RFX1: variants seen among roughly 807,000 people sequenced by gnomAD.
The protein encoded by RFX1 is regulatory factor X1, also known as MHC class II regulatory factor RFX1.
A neutral mutation model predicts 119.6 loss-of-function variants in RFX1; 42 were observed. The ratio of observed to expected loss-of-function variants is 0.35; its 90% CI spans 0.27 to 0.45. The LOEUF (loss-of-function observed/expected upper bound fraction) is 0.45, where lower values mean the gene tolerates loss of function less well. Ranked by LOEUF, RFX1 falls within the 20% of genes least tolerant of loss-of-function variation. The pLI, the probability that RFX1 is intolerant of heterozygous loss-of-function variation, is 1.00. For missense variants in RFX1, 1,118 were observed against 1,368.1 expected, an observed-to-expected ratio of 0.82 and a Z score of 2.88; for synonymous variants, 628 against 618.5, an observed-to-expected ratio of 1.02 and a Z score of -0.23.
At position 13,962,872 on chromosome 19, in the gene RFX1, A is replaced by G; in HGVS notation, c.2771-8T>C. ...CCTCTTCTTCCTCCTCGTCTGGAAC[A>G]CAGGGACCAAGTCCGGCTCGGGGCG... On this transcript the variant is annotated splice_region_variant and splice_polypyrimidine_tract_variant and intron_variant, in intron 20 of 20. Coordinates refer to ENST00000254325, the MANE Select transcript of RFX1 (RefSeq NM_002918.5). The G allele has an allele frequency of 6.5e-7, 1 of 1,532,092 alleles. No homozygotes were observed. The highest frequency in any genetic ancestry group is 8.8e-7 in the Non-Finnish European group (1 of 1,138,736). 94.9% of individuals were successfully genotyped at this position (1,532,092 alleles called of 1,614,324 possible).
In RFX1 at chr19:13,987,225, C is replaced by T. The variant is rs190258639; in HGVS notation, c.320-3630G>A. 2.2e-4 allele frequency among the ~76,000 whole-genome samples: 33 copies of T among 152,236 alleles called. No individual in the cohort carries two copies. The East Asian group carries it at 5.6e-3, about 26-fold the overall frequency. On this transcript the variant is annotated intron_variant, in intron 2 of 20. Transcript: ENST00000254325. ...GCCAGAGCCCACAGCACTCTCCTTC[C>T]GCCTTGGGTTCTGGGAGAGTCTGAT...
chr19:13,966,311 C>T lies in RFX1; in HGVS notation c.1961+110G>A. On this transcript the variant is annotated intron_variant, in intron 14 of 20. Coordinates refer to ENST00000254325, the MANE Select transcript of RFX1 (RefSeq NM_002918.5). This position sits in a 1 kb window ranked among gnomAD's most constrained non-coding sequence, Gnocchi z 6.3. Reference sequence around the variant, plus strand: ...TCCACACAGCCAAGGATATGTGTACCCCACAAACTGCAGGGGACAAGCAGG... The same window carrying T: ...TCCACACAGCCAAGGATATGTGTACTCCACAAACTGCAGGGGACAAGCAGG... 1 of 676,056 alleles carries T rather than the reference C, an allele frequency of 1.5e-6. No individual in the cohort carries two copies. The highest frequency in any genetic ancestry group is 2.6e-6 in the Non-Finnish European group (1 of 382,890). 41.9% of individuals were successfully genotyped at this position (676,056 alleles called of 1,614,324 possible).
At chr19:13,975,043 CAA>C (rs60183087) in intron 8 of RFX1, among the ~76,000 whole-genome samples, 14 of 32,080 alleles carry the variant, frequency 4.4e-4, no homozygotes, top group Admixed American at 4.1e-4. Flanking sequence ...AACTCCACCT[CAA>C]AAAAAAAAAA....
At chr19:13,987,318 T>C (rs1312957504) in intron 2 of RFX1, among the ~76,000 whole-genome samples, 1 of 152,140 alleles carries the variant, frequency 6.6e-6, no homozygotes, top group Non-Finnish European at 1.5e-5. Context: ...TCTTCCTTCC[T>C]ACCACCTCCA....
In RFX1 at chr19:13,980,731, T is replaced by TGCATCCTCTCTGGGGTAGGCTC; in HGVS notation, c.622-43_622-42insGAGCCTACCCCAGAGAGGATGC. 1 of 1,201,556 alleles carries TGCATCCTCTCTGGGGTAGGCTC rather than the reference T, an allele frequency of 8.3e-7. No homozygotes were observed. Among genetic ancestry groups the TGCATCCTCTCTGGGGTAGGCTC allele is most frequent in the Non-Finnish European group, 1.2e-6 (1 of 842,378 alleles). 74.4% of individuals were successfully genotyped at this position (1,201,556 alleles called of 1,614,324 possible). On this transcript the variant is annotated intron_variant, in intron 5 of 20. Transcript: ENST00000254325. The surrounding 1 kb of genome is among the most constrained non-coding windows in gnomAD (Gnocchi z 5.1). ...CACAGGAGTGCCGCTGGGGTGGGCT[T>TGCATCCTCTCTGGGGTAGGCTC]GCATCCTCTCTGAGGTGGGCTCACA...
chr19:13,992,346 T>A (rs955303591), intron 2 of RFX1, among the ~76,000 whole-genome samples: 2 of 152,128 alleles, frequency 1.3e-5, no homozygotes, highest in African/African-American at 4.8e-5. Flanking sequence ...ACTGAGTCAG[T>A]CGAGACAGAG....
chr19:13,978,579 C>A (rs568707426), intron 7 of RFX1, among the ~76,000 whole-genome samples: 13 of 152,250 alleles, frequency 8.5e-5, no homozygotes, highest in African/African-American at 2.9e-4. Flanking sequence ...TCTGCAGGGG[C>A]GGAGCTGGGA....
chr19:13,974,572 G>T (rs1458885965), intron 8 of RFX1, among the ~76,000 whole-genome samples: 1 of 152,170 alleles, frequency 6.6e-6, no homozygotes, highest in Non-Finnish European at 1.5e-5. Flanking sequence ...AGAGAAGAGT[G>T]GGGACCGTGT....
chr19:13,969,017 C>A lies in RFX1; in HGVS notation c.1497-123G>T. 1 of 1,133,534 alleles carries A rather than the reference C, an allele frequency of 8.8e-7. No individual in the cohort carries two copies. Among genetic ancestry groups the A allele is most frequent in the Non-Finnish European group, 1.2e-6 (1 of 808,408 alleles). 70.2% of individuals were successfully genotyped at this position (1,133,534 alleles called of 1,614,324 possible). On this transcript the variant is annotated intron_variant, in intron 10 of 20. Transcript: ENST00000254325. The surrounding 1 kb of genome is among the most constrained non-coding windows in gnomAD (Gnocchi z 4.5). ...AATGGATAGAGAGACGCCTGCCCTGCAGAGACGGGGGTGCTGCACTGAGGA... is the reference window on the plus strand; with the variant it reads ...AATGGATAGAGAGACGCCTGCCCTGAAGAGACGGGGGTGCTGCACTGAGGA...
At chr19:13,964,079 G>A in intron 16 of RFX1, 72 bp from the exon 17 acceptor site, 2 of 1,435,386 alleles carry the variant, frequency 1.4e-6, no homozygotes, top group Non-Finnish European at 1.9e-6. Context: ...CCACCCCGCT[G>A]CAACCTCCCT....
chr19:13,980,738 T>TCTCTGGGGTGGGCTCGCATCCG lies in RFX1; in HGVS notation c.622-50_622-49insCGGATGCGAGCCCACCCCAGAG. ...GTGCCGCTGGGGTGGGCTTGCATCC[T>TCTCTGGGGTGGGCTCGCATCCG]CTCTGAGGTGGGCTCACACACACAC... On this transcript the variant is annotated intron_variant, in intron 5 of 20. Coordinates refer to ENST00000254325, the MANE Select transcript of RFX1 (RefSeq NM_002918.5). This position sits in a 1 kb window ranked among gnomAD's most constrained non-coding sequence, Gnocchi z 5.1. 7.2e-7 allele frequency: 1 copy of TCTCTGGGGTGGGCTCGCATCCG among 1,388,550 alleles called. No homozygotes were observed. The highest frequency in any genetic ancestry group is 1.0e-6 in the Non-Finnish European group (1 of 999,992). The allele number at this position is 1,388,550 out of a possible 1,614,324, so 86.0% of individuals were successfully genotyped here.
At chr19:13,982,697 A>C (rs570265518) in intron 4 of RFX1, among the ~76,000 whole-genome samples, 1 of 152,290 alleles carries the variant, frequency 6.6e-6, no homozygotes, top group African/African-American at 2.4e-5. Flanking sequence ...TCAGCTACTC[A>C]GGAGGCTGAG....
chr19:13,963,484 G>C lies in RFX1; in HGVS notation c.2570+54C>G, dbSNP rs1356449254. On this transcript the variant is annotated intron_variant, in intron 18 of 20. Transcript: ENST00000254325. Reference sequence around the variant, plus strand: ...CGTAGAAGAGCACCTGAGACCCCCAGGGACGCGGGGCCTTCCCTGGTGCCG... The same window carrying C: ...CGTAGAAGAGCACCTGAGACCCCCACGGACGCGGGGCCTTCCCTGGTGCCG... 8 of 1,520,358 alleles carry C rather than the reference G, an allele frequency of 5.3e-6. No individual in the cohort carries two copies. In the African/African-American group the frequency reaches 9.6e-5, roughly 18 times the overall value. 94.2% of individuals were successfully genotyped at this position (1,520,358 alleles called of 1,614,324 possible). A position where few individuals can be genotyped will look rare whatever the true frequency, so the allele number is the denominator to read the frequency against.
intron 2 of RFX1, among the ~76,000 whole-genome samples, chr19:13,987,333 C>A (rs1368314827): frequency 2.6e-5 from 4 of 152,118 alleles, no homozygotes; most frequent in Admixed American, 2.0e-4. Flanking sequence ...CCTCCAAAGT[C>A]ACCTTTAGGC....
chr19:13,978,823 C>T (rs1974338653), intron 7 of RFX1, among the ~76,000 whole-genome samples: 1 of 152,184 alleles, frequency 6.6e-6, no homozygotes, highest in Non-Finnish European at 1.5e-5. Flanking sequence ...CTGGTCGGGG[C>T]TGGCTCGGGC....
intron 2 of RFX1, among the ~76,000 whole-genome samples, chr19:13,988,976 C>T (rs967522072): frequency 4.6e-5 from 7 of 152,108 alleles, no homozygotes; most frequent in Non-Finnish European, 1.0e-4. Context: ...GAACTGAGAT[C>T]GCACCACTGC....
chr19:13,973,037 C>T lies in RFX1; in HGVS notation c.1020G>A (p.Gln340=), dbSNP rs764709313. Residue 340 remains glutamine (Q), a synonymous_variant, in exon 9 of 21, where the codon CAG becomes CAA. Coordinates refer to ENST00000254325, the MANE Select transcript of RFX1 (RefSeq NM_002918.5). ...CCTGGGAGGTGGCGGGGGTGCTGAC[C>T]TGGGTGGCCGTGCCTGCGGCCTCGT... ...SYYEAAGTAT[Q]VSTPATSQAV... 3.1e-6 allele frequency: 5 copies of T among 1,601,586 alleles called. No individual in the cohort carries two copies. The East Asian group carries it at 8.9e-5, about 29-fold the overall frequency.
chr19:13,976,083 T>C (rs1766093687), intron 8 of RFX1, among the ~76,000 whole-genome samples: 1 of 152,252 alleles, frequency 6.6e-6, no homozygotes, highest in Admixed American at 6.5e-5. Flanking sequence ...ATGCCCTGTC[T>C]GGCCCCTGCC....
intron 2 of RFX1, among the ~76,000 whole-genome samples, chr19:13,987,397 G>C (rs1031546903): frequency 6.6e-6 from 1 of 152,098 alleles, no homozygotes; most frequent in Non-Finnish European, 1.5e-5. Flanking sequence ...GTGTCGGCTG[G>C]TGTCCAGCCC....
Sources: allele counts gnomAD v4.1 joint callset (sites outside exome capture counted in the v4.1 genomes callset), GRCh38; gene constraint gnomAD v4.1.1; non-coding constraint Gnocchi (gnomAD v3.1); transcripts MANE v1.5; gene names NCBI Gene and HGNC (gene_info 2026-07-23, HGNC 2026-07-21).